CADM2: variants seen among roughly 807,000 people sequenced by gnomAD.
The protein encoded by CADM2 is immunoglobulin superfamily member 4D.
CADM2 carries 12 observed loss-of-function variants against 49.8 expected under a neutral mutation model. That is an observed-to-expected ratio of 0.24 (90% CI 0.15 to 0.39). CADM2 has a LOEUF of 0.39. CADM2 is among the 10% of genes least tolerant of loss of function. CADM2 has a pLI of 1.00. For synonymous variants in CADM2, 214 were observed against 175.4 expected (o/e 1.22, Z -1.74); for missense variants, 378 against 492.3 (o/e 0.77, Z 2.20).
At chr3:85,085,652 CT>C (rs1293578395) in intron 1 of CADM2, among the ~76,000 whole-genome samples, 2 of 152,090 alleles carry the variant, frequency 1.3e-5, no homozygotes, top group East Asian at 3.9e-4. Flanking sequence ...GTCTCTATTG[CT>C]TTTCCCCCAG....
At chr3:85,041,876 G>A (rs763801119) in intron 1 of CADM2, among the ~76,000 whole-genome samples, 55 of 152,004 alleles carry the variant, frequency 3.6e-4, no homozygotes, top group Non-Finnish European at 7.6e-4. Context: ...GTGTCAGAAT[G>A]TAAAGAAAAA....
intron 1 of CADM2, among the ~76,000 whole-genome samples, chr3:85,141,177 C>G (rs2039565962): frequency 6.6e-6 from 1 of 152,078 alleles, no homozygotes; most frequent in African/African-American, 2.4e-5. Context: ...TGGTGAGAAG[C>G]ATTACAGTTT....
chr3:85,992,163 A>G lies in CADM2; in HGVS notation c.970+30516A>G, dbSNP rs575093008. ...GACTTCCTTATCCTGCATTATTGAAATAATCTGTTACATTTTGCAAATATT... is the reference window on the plus strand; with the variant it reads ...GACTTCCTTATCCTGCATTATTGAAGTAATCTGTTACATTTTGCAAATATT... On this transcript the variant is annotated intron_variant, in intron 8 of 9. Coordinates refer to ENST00000383699, the MANE Select transcript of CADM2 (RefSeq NM_001167675.2). 2.0e-5 allele frequency: 3 copies of G among 152,142 alleles called. No individual in the cohort carries two copies. In the South Asian group the frequency reaches 6.2e-4, roughly 32 times the overall value. 9.4% of individuals were successfully genotyped at this position (152,142 alleles called of 1,614,324 possible).
chr3:85,886,218 A>T lies in CADM2; in HGVS notation c.420A>T (p.Gly140=). The change falls in exon 5 of 10, where the codon GGA becomes GGT. Residue 140 remains glycine, a synonymous_variant. Coordinates refer to ENST00000383699, the MANE Select transcript of CADM2 (RefSeq NM_001167675.2). ...TTCCTGAAAAGCCTCAGATTAGTGG[A>T]TTCTCATCACCAGTTATGGAGGGTG... ...LGVPEKPQIS[G]FSSPVMEGDL... is the part of the protein sequence containing the mutation. 1.2e-6 allele frequency: 2 copies of T among 1,613,686 alleles called. No homozygotes were observed. The highest frequency in any genetic ancestry group is 1.7e-6 in the Non-Finnish European group (2 of 1,179,706).
chr3:85,002,794 C>A (rs957531483), intron 1 of CADM2, among the ~76,000 whole-genome samples: 13 of 151,732 alleles, frequency 8.6e-5, no homozygotes, highest in African/African-American at 1.2e-4. Context: ...TTCTTTGTTT[C>A]TTTTTATTAG....
At chr3:85,716,900 CT>C (rs1420489918) in intron 1 of CADM2, among the ~76,000 whole-genome samples, 3 of 152,112 alleles carry the variant, frequency 2.0e-5, no homozygotes, top group Non-Finnish European at 4.4e-5. Context: ...TTACTGTAGA[CT>C]TGTAGCACAG....
chr3:85,452,825 C>T (rs1176443329), intron 1 of CADM2, among the ~76,000 whole-genome samples: 2 of 152,052 alleles, frequency 1.3e-5, no homozygotes, highest in Admixed American at 1.3e-4. Flanking sequence ...AAGTGTTTGC[C>T]AACAAGTTGC....
intron 8 of CADM2, chr3:85,979,252 A>T: frequency 1.2e-6 from 2 of 1,610,830 alleles, no homozygotes; most frequent in Non-Finnish European, 8.5e-7. Context: ...CAACCAGCCC[A>T]ACCACATCTG....
chr3:85,533,807 T>C (rs912535784), intron 1 of CADM2, among the ~76,000 whole-genome samples: 3 of 152,178 alleles, frequency 2.0e-5, no homozygotes, highest in African/African-American at 7.2e-5. Flanking sequence ...CCATGCACCA[T>C]GGAGGCCATC....
intron 1 of CADM2, among the ~76,000 whole-genome samples, chr3:85,058,542 T>G (rs1424072624): frequency 6.6e-6 from 1 of 152,148 alleles, no homozygotes; most frequent in African/African-American, 2.4e-5. Flanking sequence ...TCTCCTGGGT[T>G]GAAGCGATTC....
At chr3:85,995,252 C>T (rs1470491318) in intron 8 of CADM2, among the ~76,000 whole-genome samples, 2 of 151,996 alleles carry the variant, frequency 1.3e-5, no homozygotes, top group African/African-American at 4.8e-5. Flanking sequence ...TTATTTAATA[C>T]ATGACACAAT....
intron 1 of CADM2, among the ~76,000 whole-genome samples, chr3:85,072,694 A>G (rs920138523): frequency 2.6e-5 from 4 of 152,068 alleles, no homozygotes; most frequent in East Asian, 3.8e-4. Flanking sequence ...TCTATTAACC[A>G]TCTACCGTCT....
intron 1 of CADM2, among the ~76,000 whole-genome samples, chr3:85,522,248 T>G (rs2106904017): frequency 6.6e-6 from 1 of 152,248 alleles, no homozygotes; most frequent in South Asian, 2.1e-4. Context: ...AATTATACAT[T>G]AATAATACAT....
chr3:84,971,071 C>G (rs1311190404), intron 1 of CADM2, among the ~76,000 whole-genome samples: 1 of 151,950 alleles, frequency 6.6e-6, no homozygotes, highest in East Asian at 1.9e-4. Flanking sequence ...TGAGGAAAAG[C>G]TATACCTTCA....
At chr3:85,888,542 C>T (rs553964464) in intron 5 of CADM2, among the ~76,000 whole-genome samples, 1 of 152,192 alleles carries the variant, frequency 6.6e-6, no homozygotes, top group Admixed American at 6.5e-5. Context: ...TTTTTCTATG[C>T]TCTTCAATGC....
chr3:85,108,511 T>C (rs2038332876), intron 1 of CADM2, among the ~76,000 whole-genome samples: 1 of 152,076 alleles, frequency 6.6e-6, no homozygotes, highest in East Asian at 1.9e-4. Context: ...GACAGAATGT[T>C]GAATAGTACA....
At chr3:85,714,791 C>T (rs1043190058) in intron 1 of CADM2, among the ~76,000 whole-genome samples, 1 of 152,008 alleles carries the variant, frequency 6.6e-6, no homozygotes, top group African/African-American at 2.4e-5. Context: ...TTACTCCCCT[C>T]GTTAAGATGA....
intron 1 of CADM2, among the ~76,000 whole-genome samples, chr3:85,237,872 T>A (rs1039977609): frequency 6.6e-5 from 10 of 151,874 alleles, no homozygotes; most frequent in African/African-American, 2.4e-4. Context: ...TATAATTAAT[T>A]GCCATTTTTT....
chr3:85,249,717 T>C (rs549609159), intron 1 of CADM2, among the ~76,000 whole-genome samples: 9 of 152,044 alleles, frequency 5.9e-5, no homozygotes, highest in Admixed American at 2.6e-4. Context: ...ACATTGCAAA[T>C]TTTTTAAAAA....
Sources: allele counts gnomAD v4.1 joint callset (sites outside exome capture counted in the v4.1 genomes callset), GRCh38; gene constraint gnomAD v4.1.1; transcripts MANE v1.5; gene names NCBI Gene and HGNC (gene_info 2026-07-23, HGNC 2026-07-21).